SCML1: variants seen among roughly 807,000 people sequenced by gnomAD.
The protein encoded by SCML1 is Scm polycomb group protein like 1, also known as sex comb on midleg-like protein 1.
For synonymous variants in SCML1, 104 were observed against 103.6 expected (o/e 1.00, Z -0.02); for missense variants, 137 against 258.1 (o/e 0.53, Z 3.22).
intron 4 of SCML1, among the ~76,000 whole-genome samples, chrX:17,748,789 C>G (rs1297811625): frequency 8.9e-6 from 1 of 111,900 alleles, no homozygotes; most frequent in Non-Finnish European, 1.9e-5. Context: ...CTGTGTATTT[C>G]AAGAAGAATT....
chrX:17,748,927 T>A (rs1659102790), intron 4 of SCML1, among the ~76,000 whole-genome samples: 1 of 112,795 alleles, frequency 8.9e-6, no homozygotes, highest in Admixed American at 9.4e-5. Flanking sequence ...ACATCTGTTA[T>A]ATTTGGTTCA....
Position 17,753,451 on chromosome X carries a change from G to C in SCML1, c.*59G>C, listed in dbSNP as rs2066734248. On this transcript the variant is annotated 3_prime_UTR_variant, in exon 8 of 8. Transcript: ENST00000380041. ...TTCTAGAGGCACCAATGCCTTCTTA[G>C]TGTGGAATCATTTTTCTGCCCTTTA... 1.1e-6 allele frequency: 1 copy of C among 944,261 alleles called. No homozygotes were observed. The highest frequency in any genetic ancestry group is 2.0e-5 in the African/African-American group (1 of 50,591). The allele number at this position is 944,261 out of a possible 1,213,427, so 77.8% of individuals were successfully genotyped here.
chrX:17,738,212 G>A (rs924169533), intron 1 of SCML1, among the ~76,000 whole-genome samples: 2 of 111,800 alleles, frequency 1.8e-5, no homozygotes, highest in Admixed American at 9.4e-5. Flanking sequence ...GCAGAGGCGG[G>A]AGGCGGGAGA....
intron 1 of SCML1, among the ~76,000 whole-genome samples, chrX:17,741,271 G>C (rs751937403): frequency 4.5e-5 from 5 of 111,810 alleles, no homozygotes; most frequent in Non-Finnish European, 9.4e-5. Context: ...GCTCCTGTGC[G>C]AATCTAATAC....
chrX:17,753,721 A>C lies in SCML1; in HGVS notation c.*329A>C, dbSNP rs769561326. The C allele has an allele frequency of 1.8e-5, 2 of 113,317 alleles. No homozygotes were observed. The highest frequency in any genetic ancestry group is 4.6e-3 in the Middle Eastern group (1 of 218). The allele number at this position is 113,317 out of a possible 1,213,427, so 9.3% of individuals were successfully genotyped here. On this transcript the variant is annotated 3_prime_UTR_variant, in exon 8 of 8. Transcript: ENST00000380041. ...CTTTGATTCTGGTTCATCTCGATAC[A>C]GAGAACCAAAACAGCTAAGAGAGGT...
At position 17,750,179 on chromosome X, in the gene SCML1, G is replaced by C; in HGVS notation, c.589G>C (p.Ala197Pro). ...TGAGCATAATTGTCAGCCGTATTATGCATCTGATGGTGCAACGTATGGTTC... is the reference window on the plus strand; with the variant it reads ...TGAGCATAATTGTCAGCCGTATTATCCATCTGATGGTGCAACGTATGGTTC... ...FSEHNCQPYY[A>P]SDGATYGSSS... Residue 197 changes from alanine to proline, a missense_variant, in exon 6 of 8, where the codon GCA becomes CCA. Coordinates refer to ENST00000380041, the MANE Select transcript of SCML1 (RefSeq NM_001037540.3). 1 of 1,211,976 alleles carries C rather than the reference G, an allele frequency of 8.3e-7. No individual in the cohort carries two copies. The highest frequency in any genetic ancestry group is 1.1e-6 in the Non-Finnish European group (1 of 895,477).
chrX:17,739,848 CAAAAAAA>C (rs747850155), intron 1 of SCML1, among the ~76,000 whole-genome samples: 1 of 32,876 alleles, frequency 3.0e-5, no homozygotes, highest in Non-Finnish European at 5.6e-5. Context: ...GACTCTGTCT[CAAAAAAA>C]AAAAAAAAAA....
rs2066626489 is a variant in SCML1, at chrX:17,744,396, C to T, written c.33+177C>T. On this transcript the variant is annotated intron_variant, in intron 2 of 7. Coordinates refer to ENST00000380041, the MANE Select transcript of SCML1 (RefSeq NM_001037540.3). ...ATTTGTGTACAAGTTTCTTTGTGAACACACACTTAAATTTCTTTTGGGTGA... is the reference window on the plus strand; with the variant it reads ...ATTTGTGTACAAGTTTCTTTGTGAATACACACTTAAATTTCTTTTGGGTGA... 8.5e-6 allele frequency: 3 copies of T among 353,825 alleles called. No homozygotes were observed. In the South Asian group the frequency reaches 2.1e-4, roughly 25 times the overall value. 29.2% of individuals were successfully genotyped at this position (353,825 alleles called of 1,213,427 possible).
At chrX:17,742,050 A>G (rs1404876117) in intron 1 of SCML1, among the ~76,000 whole-genome samples, 1 of 112,433 alleles carries the variant, frequency 8.9e-6, no homozygotes, top group Non-Finnish European at 1.9e-5. Context: ...TGTCAAAACA[A>G]CTCAAGAAAA....
At chrX:17,745,638 T>C in intron 3 of SCML1, 99 bp downstream of exon 3, 1 of 460,802 alleles carries the variant, frequency 2.2e-6, no homozygotes, top group East Asian at 3.9e-5. Flanking sequence ...AAACTCACAC[T>C]CAAGAAAATA....
chrX:17,740,441 A>G (rs1348780039), intron 1 of SCML1, among the ~76,000 whole-genome samples: 3 of 111,228 alleles, frequency 2.7e-5, no homozygotes, highest in African/African-American at 9.9e-5. Context: ...AGCACTTGAC[A>G]TGTATTAATT....
chrX:17,744,264 C>G (rs2066625173), intron 2 of SCML1, 45 bp downstream of exon 2: 4 of 1,014,399 alleles, frequency 3.9e-6, no homozygotes, highest in Non-Finnish European at 5.5e-6. Flanking sequence ...TTTTACTGTG[C>G]TATACTTCTA....
chrX:17,746,375 C>T (rs1199697090), intron 4 of SCML1, among the ~76,000 whole-genome samples: 1 of 112,161 alleles, frequency 8.9e-6, no homozygotes, highest in Admixed American at 9.4e-5. Context: ...AAATTAGTTT[C>T]CCCTACAAAA....
intron 7 of SCML1, among the ~76,000 whole-genome samples, chrX:17,752,265 A>G (rs1231715353): frequency 9.0e-6 from 1 of 111,055 alleles, no homozygotes; most frequent in Non-Finnish European, 1.9e-5. Flanking sequence ...TCCTCCCCCT[A>G]TCTGCTCCCA....
intron 4 of SCML1, among the ~76,000 whole-genome samples, chrX:17,749,069 A>G (rs1298288603): frequency 8.9e-6 from 1 of 112,396 alleles, no homozygotes; most frequent in African/African-American, 3.2e-5. Flanking sequence ...TTTCTTTCCT[A>G]AAATAGCACC....
chrX:17,745,607 C>CGTAT, intron 3 of SCML1, 68 bp downstream of exon 3: 1 of 605,704 alleles, frequency 1.7e-6, no homozygotes, highest in Non-Finnish European at 2.6e-6. Context: ...GTAAATTCCT[C>CGTAT]GTATACTATG....
At position 17,754,270 on chromosome X, in the gene SCML1, G is replaced by A. The variant is rs1008594318; in HGVS notation, c.*878G>A. ...AGTATTTTATATTTTATTCTCACCC[G>A]AAGTATTCACACAATCTTTTTAAAA... is the stretch of plus-strand genomic sequence containing the variant. On this transcript the variant is annotated 3_prime_UTR_variant, in exon 8 of 8. Transcript: ENST00000380041. The A allele has an allele frequency of 9.0e-6, 1 of 111,446 alleles. No homozygotes were observed. The highest frequency in any genetic ancestry group is 1.9e-5 in the Non-Finnish European group (1 of 52,973). The allele number at this position is 111,446 out of a possible 1,213,427, so 9.2% of individuals were successfully genotyped here.
At chrX:17,745,427 CT>C in intron 2 of SCML1, 28 bp from the exon 3 acceptor site, 1 of 925,135 alleles carries the variant, frequency 1.1e-6, no homozygotes, top group Non-Finnish European at 1.6e-6. Context: ...TTCATCTTCC[CT>C]TTTAATTTGT....
chrX:17,743,192 G>A (rs1322522001), intron 1 of SCML1, among the ~76,000 whole-genome samples: 2 of 111,708 alleles, frequency 1.8e-5, no homozygotes, highest in Non-Finnish European at 1.9e-5. Context: ...TATCTAACTC[G>A]AGTTAGTTCT....
Sources: gnomAD v4.1 joint callset for allele counts (sites outside exome capture counted in the v4.1 genomes callset) on GRCh38, gnomAD v4.1.1 for gene constraint, MANE v1.5 for transcripts, NCBI Gene and HGNC (gene_info 2026-07-23, HGNC 2026-07-21) for gene names.